The following SBF2 variants were observed in gnomAD, a reference collection of about 807,000 sequenced individuals.
SBF2 encodes the protein SET binding factor 2.
SBF2 carries 112 observed loss-of-function variants against 225.2 expected under a neutral mutation model. The ratio of observed to expected loss-of-function variants is 0.50; its 90% CI spans 0.43 to 0.58. SBF2 has a LOEUF of 0.58. Ranked by LOEUF, SBF2 falls within the 20% of genes least tolerant of loss-of-function variation. The pLI is 0.00. For synonymous variants in SBF2, 763 were observed against 773.3 expected (o/e 0.99, Z 0.22); for missense variants, 1,996 against 2,206.2 (o/e 0.90, Z 1.91).
At chr11:10,286,166 GCACACACA>G (rs57445416) in intron 1 of SBF2, among the ~76,000 whole-genome samples, 4 of 147,354 alleles carry the variant, frequency 2.7e-5, no homozygotes, top group East Asian at 4.1e-4. Flanking sequence ...ACACGCACAC[GCACACACA>G]CACACACACA....
chr11:9,879,702 AGGT>A (rs1342348746), intron 17 of SBF2, among the ~76,000 whole-genome samples: 6 of 152,228 alleles, frequency 3.9e-5, no homozygotes, highest in African/African-American at 1.4e-4. Context: ...GCACTAGGTT[AGGT>A]GCTTTACATG....
intron 1 of SBF2, among the ~76,000 whole-genome samples, chr11:10,214,736 A>G (rs1215004934): frequency 6.6e-6 from 1 of 152,230 alleles, no homozygotes; most frequent in African/African-American, 2.4e-5. Context: ...ACTTCATCCC[A>G]GGTAACCACA....
chr11:10,037,422 T>C lies in SBF2; in HGVS notation c.279+5422A>G, dbSNP rs1949482836. Among the ~76,000 whole-genome samples, 3 of 152,098 alleles carry C rather than the reference T, an allele frequency of 2.0e-5. No individual in the cohort carries two copies. The South Asian group carries it at 6.2e-4, about 31-fold the overall frequency. ...CTACCAAGTGTAAAGTTGATTACAATATCAGCAAGCCCAATTCCCAAATAC... is the reference window on the plus strand; with the variant it reads ...CTACCAAGTGTAAAGTTGATTACAACATCAGCAAGCCCAATTCCCAAATAC... On this transcript the variant is annotated intron_variant, in intron 3 of 39. Coordinates refer to ENST00000256190, the MANE Select transcript of SBF2 (RefSeq NM_030962.4).
chr11:10,296,093 A>G (rs1330012348), upstream of SBF2, among the ~76,000 whole-genome samples: 1 of 152,094 alleles, frequency 6.6e-6, no homozygotes, highest in East Asian at 1.9e-4. Context: ...TTCTGTCTCT[A>G]TGGATTTACC....
chr11:10,185,617 G>GC (rs1956905417), intron 2 of SBF2, among the ~76,000 whole-genome samples: 2 of 123,406 alleles, frequency 1.6e-5, no homozygotes, highest in African/African-American at 2.7e-5. Context: ...ACTGTGCTTG[G>GC]CTTTTTTTTT....
chr11:9,880,457 G>A (rs1239853104), intron 17 of SBF2, among the ~76,000 whole-genome samples: 2 of 152,174 alleles, frequency 1.3e-5, no homozygotes, highest in Non-Finnish European at 2.9e-5. Context: ...TGGGACATGT[G>A]CTCTTCATGT....
At chr11:10,277,514 AACTGCATGAACCATT>A (rs1242907845) in intron 1 of SBF2, among the ~76,000 whole-genome samples, 1 of 152,230 alleles carries the variant, frequency 6.6e-6, no homozygotes, top group Non-Finnish European at 1.5e-5. Flanking sequence ...TTATTATAAT[AACTGCATGAACCATT>A]GTGTTTGTGG....
intron 6 of SBF2, among the ~76,000 whole-genome samples, chr11:10,004,115 G>C (rs1262577714): frequency 6.6e-6 from 1 of 151,996 alleles, no homozygotes; most frequent in African/African-American, 2.4e-5. Flanking sequence ...TAATGTAATA[G>C]TTTCGTAAGT....
chr11:10,137,099 A>G (rs1476318275), intron 2 of SBF2, among the ~76,000 whole-genome samples: 4 of 152,196 alleles, frequency 2.6e-5, no homozygotes, highest in Non-Finnish European at 4.4e-5. Flanking sequence ...TTGTAGTCTC[A>G]GCATATAAGT....
At chr11:10,015,649 A>T (rs1948621036) in intron 6 of SBF2, among the ~76,000 whole-genome samples, 1 of 152,228 alleles carries the variant, frequency 6.6e-6, no homozygotes, top group African/African-American at 2.4e-5. Flanking sequence ...TAAGGAGAAA[A>T]GAAAAGCATA....
At chr11:10,218,326 C>A (rs1004038101) in intron 1 of SBF2, among the ~76,000 whole-genome samples, 2 of 111,684 alleles carry the variant, frequency 1.8e-5, no homozygotes, top group Non-Finnish European at 3.8e-5. Context: ...ACCCACCCCC[C>A]CCCCCACCCA....
At chr11:9,987,052 A>G (rs1947226783) in intron 13 of SBF2, among the ~76,000 whole-genome samples, 1 of 152,166 alleles carries the variant, frequency 6.6e-6, no homozygotes, top group South Asian at 2.1e-4. Flanking sequence ...ACCAAATCCA[A>G]CAACATATCA....
chr11:10,169,654 T>C (rs1956110315), intron 2 of SBF2, among the ~76,000 whole-genome samples: 1 of 152,194 alleles, frequency 6.6e-6, no homozygotes, highest in Non-Finnish European at 1.5e-5. Flanking sequence ...GTGCAGATTA[T>C]CTCTTCGATA....
intron 2 of SBF2, among the ~76,000 whole-genome samples, chr11:10,151,915 G>A (rs945433874): frequency 1.3e-5 from 2 of 152,044 alleles, no homozygotes; most frequent in African/African-American, 2.4e-5. Context: ...TTCACTAAAC[G>A]TTCAGGAACA....
At chr11:10,188,854 T>C (rs1376782996) in intron 2 of SBF2, among the ~76,000 whole-genome samples, 1 of 152,256 alleles carries the variant, frequency 6.6e-6, no homozygotes, top group East Asian at 1.9e-4. Context: ...TATATCCACT[T>C]GCTTTGTTGT....
At chr11:9,900,045 A>T (rs1163076294) in intron 16 of SBF2, among the ~76,000 whole-genome samples, 125 of 47,984 alleles carry the variant, frequency 2.6e-3, no homozygotes, top group African/African-American at 7.9e-3. Flanking sequence ...TTTTTTTTTT[A>T]AAAAAAAAAA....
chr11:10,053,953 T>C (rs10840348), intron 2 of SBF2, among the ~76,000 whole-genome samples: 5,393 of 151,574 alleles, frequency 0.036, 322 homozygotes, highest in East Asian at 0.19. Flanking sequence ...AGAGAAAATA[T>C]AGTGGGCAGA....
intron 2 of SBF2, among the ~76,000 whole-genome samples, chr11:10,178,848 A>G (rs969714736): frequency 3.3e-5 from 5 of 149,574 alleles, no homozygotes; most frequent in African/African-American, 9.9e-5. Flanking sequence ...TACTGGGTAT[A>G]TACCCAAAGG....
intron 2 of SBF2, among the ~76,000 whole-genome samples, chr11:10,190,656 T>C (rs1370369556): frequency 2.6e-5 from 4 of 152,200 alleles, no homozygotes; most frequent in African/African-American, 9.6e-5. Flanking sequence ...AGAACTTACA[T>C]ACATCAATTA....
Sources: allele counts gnomAD v4.1 joint callset (sites outside exome capture counted in the v4.1 genomes callset), GRCh38; gene constraint gnomAD v4.1.1; transcripts MANE v1.5; gene names NCBI Gene and HGNC (gene_info 2026-07-23, HGNC 2026-07-21).